The following ZMAT4 variants were observed in gnomAD, a reference collection of about 807,000 sequenced individuals.
ZMAT4 encodes zinc finger matrin-type protein 4.
A neutral mutation model predicts 28.7 loss-of-function variants in ZMAT4; 17 were observed. The observed-to-expected ratio is 0.59, with a 90% CI of 0.41 to 0.89. The LOEUF (loss-of-function observed/expected upper bound fraction) is 0.89. ZMAT4 is among the 40% of genes least tolerant of loss of function. ZMAT4 has a pLI of 0.00. For missense variants in ZMAT4, 240 were observed against 283.8 expected (o/e 0.85, Z 1.11); for synonymous variants, 117 against 109.2 (o/e 1.07, Z -0.44).
intron 5 of ZMAT4, among the ~76,000 whole-genome samples, chr8:40,615,372 T>G (rs1805962983): frequency 6.6e-6 from 1 of 152,180 alleles, no homozygotes; most frequent in Non-Finnish European, 1.5e-5. Flanking sequence ...TTTACCTCAT[T>G]TCAACTTTGG....
rs535988363 is a variant in ZMAT4, at chr8:40,787,109, C to T, written c.103-19379G>A. ...AGTGTCCCAATCAATTTTAACACTC[C>T]GTATTCATTATATGGAGACTTTGAA... is the stretch of plus-strand genomic sequence containing the variant. On this transcript the variant is annotated intron_variant, in intron 2 of 6. Coordinates refer to ENST00000297737, the MANE Select transcript of ZMAT4 (RefSeq NM_024645.3). Among the ~76,000 whole-genome samples the T allele has an allele frequency of 8.5e-5, 13 of 152,172 alleles. No individual in the cohort carries two copies. In the East Asian group the frequency reaches 1.7e-3, roughly 20 times the overall value.
At chr8:40,849,468 A>G (rs76399186) in intron 1 of ZMAT4, among the ~76,000 whole-genome samples, 4,145 of 152,286 alleles carry the variant, frequency 0.027, 189 homozygotes, top group African/African-American at 0.095. Context: ...GAGATAAAAG[A>G]TGTTCTATTT....
At chr8:40,878,665 T>C (rs773498974) in intron 1 of ZMAT4, among the ~76,000 whole-genome samples, 35 of 152,236 alleles carry the variant, frequency 2.3e-4, no homozygotes, top group African/African-American at 7.2e-4. Context: ...CCCGTTCCCC[T>C]GGTGCACTCA....
intron 4 of ZMAT4, among the ~76,000 whole-genome samples, chr8:40,678,915 T>C (rs1809023378): frequency 6.6e-6 from 1 of 152,246 alleles, no homozygotes; most frequent in African/African-American, 2.4e-5. Flanking sequence ...GGTCATGGAC[T>C]GCTGTCCTAT....
At chr8:40,790,598 A>G (rs1442590625) in intron 2 of ZMAT4, among the ~76,000 whole-genome samples, 1 of 152,214 alleles carries the variant, frequency 6.6e-6, no homozygotes, top group Non-Finnish European at 1.5e-5. Flanking sequence ...TGCAAGACCT[A>G]TACACTAAAA....
At position 40,756,426 on chromosome 8, in the gene ZMAT4, T is replaced by TTATATATATATATATATATATATATATA. The variant is rs72008675; in HGVS notation, c.192+11187_192+11214dup. On this transcript the variant is annotated intron_variant, in intron 3 of 6. Coordinates refer to ENST00000297737, the MANE Select transcript of ZMAT4 (RefSeq NM_024645.3). ...AATTTCATGTCTAGGAAATGTTCTT[T>TTATATATATATATATATATATATATATA]TATATATATATATATATATATATAT... Among the ~76,000 whole-genome samples the TTATATATATATATATATATATATATATA allele has an allele frequency of 2.1e-3, 157 of 73,202 alleles. 7 individuals carry two copies. The highest frequency in any genetic ancestry group is 2.6e-3 in the Non-Finnish European group (107 of 41,438). 48.0% of individuals were successfully genotyped at this position (73,202 alleles called of 152,430 possible).
chr8:40,883,652 A>G (rs564176586), intron 1 of ZMAT4, among the ~76,000 whole-genome samples: 1 of 152,328 alleles, frequency 6.6e-6, no homozygotes, highest in East Asian at 1.9e-4. Context: ...TTTTAAAAAC[A>G]AAGCAAGAGA....
intron 6 of ZMAT4, among the ~76,000 whole-genome samples, chr8:40,542,381 T>C (rs1398023311): frequency 6.6e-6 from 1 of 151,968 alleles, no homozygotes; most frequent in East Asian, 1.9e-4. Flanking sequence ...TTTTGTTTTA[T>C]TTATTTATTT....
chr8:40,881,902 G>T (rs548293381), intron 1 of ZMAT4, among the ~76,000 whole-genome samples: 25 of 152,238 alleles, frequency 1.6e-4, no homozygotes, highest in Non-Finnish European at 1.8e-4. Flanking sequence ...AGAAGCCTGA[G>T]GACACATGCC....
At chr8:40,688,932 T>C (rs544201451) in intron 4 of ZMAT4, among the ~76,000 whole-genome samples, 2 of 152,328 alleles carry the variant, frequency 1.3e-5, no homozygotes, top group Non-Finnish European at 2.9e-5. Context: ...TTGAGTTGTC[T>C]GAGAGGCAAA....
intron 1 of ZMAT4, among the ~76,000 whole-genome samples, chr8:40,866,824 T>TATGC (rs890822852): frequency 3.3e-5 from 5 of 152,196 alleles, no homozygotes; most frequent in Non-Finnish European, 5.9e-5. Context: ...CACACATGCA[T>TATGC]ATGCATGCAT....
At chr8:40,558,165 G>T (rs1010601364) in intron 6 of ZMAT4, among the ~76,000 whole-genome samples, 1 of 152,144 alleles carries the variant, frequency 6.6e-6, no homozygotes, top group Non-Finnish European at 1.5e-5. Flanking sequence ...ATTTGCCTGA[G>T]CCAAGGCAGG....
At chr8:40,789,270 T>C (rs13269798) in intron 2 of ZMAT4, among the ~76,000 whole-genome samples, 110,004 of 152,112 alleles carry the variant, frequency 0.72, 39,981 homozygotes, top group Middle Eastern at 0.8. Context: ...CTATGAAAAC[T>C]TACGGCTAGC....
intron 1 of ZMAT4, among the ~76,000 whole-genome samples, chr8:40,857,368 A>G (rs547947751): frequency 6.7e-6 from 1 of 150,292 alleles, no homozygotes; most frequent in East Asian, 1.9e-4. Context: ...CTGTCTCTTA[A>G]AAAAAAAAAC....
chr8:40,590,563 C>T (rs1482967969), intron 5 of ZMAT4, among the ~76,000 whole-genome samples: 2 of 152,094 alleles, frequency 1.3e-5, no homozygotes, highest in Non-Finnish European at 2.9e-5. Context: ...TTAGACAGCA[C>T]GTCCTCTTTG....
intron 4 of ZMAT4, among the ~76,000 whole-genome samples, chr8:40,677,227 A>T (rs1351507262): frequency 5.3e-5 from 8 of 152,212 alleles, no homozygotes; most frequent in African/African-American, 1.9e-4. Flanking sequence ...CACATAAGAA[A>T]GTAATTTGAT....
At chr8:40,790,515 T>A (rs1814279295) in intron 2 of ZMAT4, among the ~76,000 whole-genome samples, 1 of 152,182 alleles carries the variant, frequency 6.6e-6, no homozygotes, top group African/African-American at 2.4e-5. Flanking sequence ...ACATTTATAA[T>A]TTAATTGTTT....
chr8:40,708,022 A>T (rs527935629), intron 3 of ZMAT4, among the ~76,000 whole-genome samples: 1 of 152,200 alleles, frequency 6.6e-6, no homozygotes, highest in Non-Finnish European at 1.5e-5. Context: ...TAGAACTAGA[A>T]AGGCAAATAA....
chr8:40,807,391 C>G (rs1005468905), intron 2 of ZMAT4, among the ~76,000 whole-genome samples: 2 of 152,118 alleles, frequency 1.3e-5, no homozygotes, highest in African/African-American at 4.8e-5. Context: ...TTGCAGTGAG[C>G]TGAGATTGTG....
Sources: allele counts gnomAD v4.1 joint callset (sites outside exome capture counted in the v4.1 genomes callset), GRCh38; gene constraint gnomAD v4.1.1; transcripts MANE v1.5; gene names NCBI Gene and HGNC (gene_info 2026-07-23, HGNC 2026-07-21).